NOC3L: variants seen among roughly 807,000 people sequenced by gnomAD.
The protein encoded by NOC3L is nucleolar complex protein 3 homolog.
Under a neutral mutation model 102.5 loss-of-function variants are expected in NOC3L, and 85 were observed. That is an observed-to-expected ratio of 0.83 (90% CI 0.70 to 0.99). The LOEUF (loss-of-function observed/expected upper bound fraction) is 0.99. Among genes scored for constraint, NOC3L ranks in the 50% least tolerant of loss-of-function variants. The pLI is 0.00. For missense variants in NOC3L, 878 were observed against 914.9 expected, an observed-to-expected ratio of 0.96 and a Z score of 0.52; for synonymous variants, 303 against 309.4, an observed-to-expected ratio of 0.98 and a Z score of 0.22.
At chr10:94,344,266 G>A (rs2054318305) in intron 13 of NOC3L, 149 bp downstream of exon 13, 1 of 524,192 alleles carries the variant, frequency 1.9e-6, no homozygotes, top group African/African-American at 1.9e-5. Flanking sequence ...AAAGCCCACT[G>A]TTATGAATAG....
the NOC3L span, chr10:94,315,264 G>C: frequency 5.4e-6 from 2 of 372,668 alleles, no homozygotes; most frequent in Admixed American, 3.4e-5. Flanking sequence ...ATCACATTCT[G>C]CTTTTCCTCC....
In NOC3L at chr10:94,334,171, C is replaced by T. The variant is rs2054190189; in HGVS notation, c.*6G>A. On this transcript the variant is annotated 3_prime_UTR_variant, in exon 21 of 21. Coordinates refer to ENST00000371361, the MANE Select transcript of NOC3L (RefSeq NM_022451.11). ...TACAAGAAAGTCCACTGACTTCATT[C>T]CTCTACTAGTGTAGTGATGTTTTCA... 8.2e-7 allele frequency: 1 copy of T among 1,218,494 alleles called. No homozygotes were observed. The highest frequency in any genetic ancestry group is 1.5e-5 in the African/African-American group (1 of 66,964). The allele number at this position is 1,218,494 out of a possible 1,614,324, so 75.5% of individuals were successfully genotyped here.
At chr10:94,320,747 G>A in the NOC3L span, among the ~76,000 whole-genome samples, 1 of 152,164 alleles carries the variant, frequency 6.6e-6, no homozygotes, top group African/African-American at 2.4e-5. Context: ...ATCCTCATTT[G>A]AAAATGTGGT....
Position 94,354,958 on chromosome 10 carries a change from C to A in NOC3L, c.696+5G>T, listed in dbSNP as rs201950846. ...AAAGAGCCTAAAGAAATTAATACTA[C>A]CTACATTATTTTCTGGATCTGATAA... On this transcript the variant is annotated splice_donor_5th_base_variant and intron_variant, in intron 6 of 20. Coordinates refer to ENST00000371361, the MANE Select transcript of NOC3L (RefSeq NM_022451.11). 7.4e-6 allele frequency: 12 copies of A among 1,612,036 alleles called. No individual in the cohort carries two copies. The East Asian group carries it at 2.2e-4, about 30-fold the overall frequency.
chr10:94,343,736 A>G (rs916562156), intron 13 of NOC3L, among the ~76,000 whole-genome samples: 3 of 152,222 alleles, frequency 2.0e-5, no homozygotes, highest in Non-Finnish European at 4.4e-5. Context: ...AACACCAAAC[A>G]ACTCATTAAT....
chr10:94,347,809 G>A (rs1403762211), intron 10 of NOC3L, among the ~76,000 whole-genome samples: 2 of 152,026 alleles, frequency 1.3e-5, no homozygotes, highest in African/African-American at 2.4e-5. Context: ...AATCAATTCT[G>A]TAAATATTTT....
rs150206370 is a variant in NOC3L at position 94,340,512 on chromosome 10, G to C, written c.1645-16C>G. 176 of 1,295,310 alleles carry C rather than the reference G, an allele frequency of 1.4e-4. No homozygotes were observed. The African/African-American group carries it at 1.9e-3, about 14-fold the overall frequency. The allele number at this position is 1,295,310 out of a possible 1,614,324, so 80.2% of individuals were successfully genotyped here. A position where few individuals can be genotyped will look rare whatever the true frequency, so the allele number is the denominator to read the frequency against. On this transcript the variant is annotated splice_polypyrimidine_tract_variant and intron_variant, in intron 14 of 20. Transcript: ENST00000371361. The stretch of plus-strand genomic sequence containing the variant: ...AGCTTAGGTCCTTTAAAAAAAAAAG[G>C]GGGGGGTGAGGGGGATGGAATATTA...
At chr10:94,345,919 C>T (rs2054337281) in intron 11 of NOC3L, among the ~76,000 whole-genome samples, 1 of 152,100 alleles carries the variant, frequency 6.6e-6, no homozygotes, top group Non-Finnish European at 1.5e-5. Flanking sequence ...TCTCATTTAA[C>T]CTGCACGATT....
intron 9 of NOC3L, among the ~76,000 whole-genome samples, 182 bp downstream of exon 9, chr10:94,349,931 T>A (rs1268641945): frequency 1.3e-5 from 2 of 152,050 alleles, no homozygotes; most frequent in African/African-American, 2.4e-5. Flanking sequence ...GCTAATTTTT[T>A]GTATTTTTAG....
At chr10:94,328,006 G>A in the NOC3L span, 1 of 531,558 alleles carries the variant, frequency 1.9e-6, no homozygotes, top group Non-Finnish European at 3.9e-6. Context: ...AGTGAACATG[G>A]TGGAAAAAAT....
At chr10:94,346,222 C>G (rs11187893) in intron 11 of NOC3L, among the ~76,000 whole-genome samples, 36,677 of 152,148 alleles carry the variant, frequency 0.24, 4,475 homozygotes, top group Middle Eastern at 0.41. Flanking sequence ...ATCTATTGCT[C>G]TCCTTGCCAA....
chr10:94,351,648 T>C (rs2054419921), intron 8 of NOC3L, among the ~76,000 whole-genome samples: 1 of 151,730 alleles, frequency 6.6e-6, no homozygotes, highest in Non-Finnish European at 1.5e-5. Flanking sequence ...TCAGCTCAGA[T>C]CTCCAGTAGC....
At chr10:94,360,560 G>A (rs1282403983) in intron 2 of NOC3L, among the ~76,000 whole-genome samples, 1 of 152,000 alleles carries the variant, frequency 6.6e-6, no homozygotes, top group Non-Finnish European at 1.5e-5. Flanking sequence ...CCACTGGCTG[G>A]GAAAGGCAGT....
Position 94,361,368 on chromosome 10 carries a change from C to T in NOC3L, c.217+297G>A, listed in dbSNP as rs1469120066. The T allele has an allele frequency of 2.0e-5, 7 of 357,324 alleles. No individual in the cohort carries two copies. The Admixed American group carries it at 3.1e-4, about 16-fold the overall frequency. The allele number at this position is 357,324 out of a possible 1,614,324, so 22.1% of individuals were successfully genotyped here. On this transcript the variant is annotated intron_variant, in intron 2 of 20. Coordinates refer to ENST00000371361, the MANE Select transcript of NOC3L (RefSeq NM_022451.11). ...AAAGTGGCAGCACTGGCACACTGCC[C>T]AATATTTATGTAACGGAGTACTTTC...
intron 9 of NOC3L, among the ~76,000 whole-genome samples, chr10:94,349,743 A>C (rs1407111712): frequency 1.3e-5 from 2 of 151,978 alleles, no homozygotes; most frequent in African/African-American, 2.4e-5. Context: ...ATGGTGTATA[A>C]TTTTCTTTTT....
chr10:94,322,007 G>T, the NOC3L span: 3 of 1,613,894 alleles, frequency 1.9e-6, no homozygotes, highest in Non-Finnish European at 2.5e-6. Flanking sequence ...GAGCAACCTC[G>T]AACAGTCATC....
At chr10:94,316,554 C>A in the NOC3L span, 1 of 1,604,334 alleles carries the variant, frequency 6.2e-7, no homozygotes, top group Non-Finnish European at 8.5e-7. Flanking sequence ...TAGATTCTGA[C>A]AAATGAACAA....
At position 94,342,889 on chromosome 10, in the gene NOC3L, A is replaced by T. The variant is rs142063320; in HGVS notation, c.1572-1144T>A. Among the ~76,000 whole-genome samples the T allele has an allele frequency of 3.0e-3, 454 of 152,202 alleles. 3 individuals are homozygous for T. The highest frequency in any genetic ancestry group is 0.01 in the African/African-American group (431 of 41,514). ...CACCTAAGGTCAGGAGTTCGAGACC[A>T]GCCTGGCCAACATGAGGAAACCCCA... On this transcript the variant is annotated intron_variant, in intron 13 of 20. Transcript: ENST00000371361.
chr10:94,317,948 C>T, the NOC3L span, among the ~76,000 whole-genome samples: 677 of 152,258 alleles, frequency 4.4e-3, 6 homozygotes, highest in African/African-American at 0.016. Flanking sequence ...TGTAATAGTG[C>T]TTGCCTGATA....
Sources: gnomAD v4.1 joint callset for allele counts (sites outside exome capture counted in the v4.1 genomes callset) on GRCh38, gnomAD v4.1.1 for gene constraint, MANE v1.5 for transcripts, NCBI Gene and HGNC (gene_info 2026-07-23, HGNC 2026-07-21) for gene names.